The following HOOK3 variants were observed in gnomAD, a reference collection of about 807,000 sequenced individuals.
HOOK3 encodes the protein protein Hook homolog 3.
In HOOK3, 24 loss-of-function variants were observed where a neutral mutation model predicts 116.3. The observed-to-expected ratio is 0.21, with a 90% CI of 0.15 to 0.29. The LOEUF is 0.29. Ranked by LOEUF, HOOK3 falls within the 10% of genes least tolerant of loss-of-function variation. The probability of loss-of-function intolerance (pLI) is 1.00; values close to 1 mark genes in which losing one functional copy is unlikely to be tolerated. For missense variants in HOOK3, 632 were observed against 830.2 expected, an observed-to-expected ratio of 0.76 and a Z score of 2.93; for synonymous variants, 275 against 283.0, an observed-to-expected ratio of 0.97 and a Z score of 0.28.
rs1190011911 is a variant in HOOK3, at chr8:43,029,090, T to C, written c.*10592T>C. On this transcript the variant is annotated 3_prime_UTR_variant, in exon 22 of 22. Coordinates refer to ENST00000307602, the MANE Select transcript of HOOK3 (RefSeq NM_032410.4). Reference sequence around the variant, plus strand: ...TTTTACTCTAAATACAAGAAATGACTGTACACAAATGCTAATCAGTGATTT... The same window carrying C: ...TTTTACTCTAAATACAAGAAATGACCGTACACAAATGCTAATCAGTGATTT... 2 of 183,162 alleles carry C rather than the reference T, an allele frequency of 1.1e-5. No individual in the cohort carries two copies. Among genetic ancestry groups the C allele is most frequent in the Non-Finnish European group, 2.3e-5 (2 of 86,124 alleles). The allele number at this position is 183,162 out of a possible 1,614,324, so 11.3% of individuals were successfully genotyped here. A position where few individuals can be genotyped will look rare whatever the true frequency, so the allele number is the denominator to read the frequency against.
rs530603915 is a variant in HOOK3 at position 42,958,711 on chromosome 8, A to C, written c.532-520A>C. ...TGCTGTACCTATCAACCCATCATCT[A>C]GGTTTTAAGGCCAACACTCATTAGG... is the stretch of plus-strand genomic sequence containing the variant. On this transcript the variant is annotated intron_variant, in intron 7 of 21. Transcript: ENST00000307602. Among the ~76,000 whole-genome samples, 19 of 149,604 alleles carry C rather than the reference A, an allele frequency of 1.3e-4. No homozygotes were observed. In the South Asian group the frequency reaches 2.3e-3, roughly 18 times the overall value.
Position 42,996,061 on chromosome 8 carries a change from A to G in HOOK3, c.1533-1489A>G, listed in dbSNP as rs927968663. The stretch of plus-strand genomic sequence containing the variant: ...CTTGGGAGGTAAGCTGGTCTCCTGA[A>G]TGTTGCATCATGACCTAGAGAATTT... On this transcript the variant is annotated intron_variant, in intron 15 of 21. Coordinates refer to ENST00000307602, the MANE Select transcript of HOOK3 (RefSeq NM_032410.4). Among the ~76,000 whole-genome samples, 4 of 152,198 alleles carry G rather than the reference A, an allele frequency of 2.6e-5. No individual in the cohort carries two copies. The South Asian group carries it at 6.2e-4, about 24-fold the overall frequency.
At chr8:42,964,244 C>A (rs1483076895) in intron 8 of HOOK3, 67 bp from the exon 9 acceptor site, 5 of 1,466,010 alleles carry the variant, frequency 3.4e-6, no homozygotes, top group Middle Eastern at 1.8e-4. Context: ...AATGGTAATT[C>A]ACAAGTGATT....
intron 13 of HOOK3, among the ~76,000 whole-genome samples, chr8:42,975,716 C>G (rs759230899): frequency 6.6e-6 from 1 of 152,102 alleles, no homozygotes; most frequent in African/African-American, 2.4e-5. Context: ...AAGATAGATA[C>G]ATATGTTGAG....
intron 11 of HOOK3, among the ~76,000 whole-genome samples, chr8:42,968,521 G>T (rs551054452): frequency 1.3e-5 from 2 of 152,044 alleles, no homozygotes; most frequent in African/African-American, 2.4e-5. Flanking sequence ...GTAAAGACAG[G>T]GTTTCACTGT....
At chr8:42,981,775 T>G (rs1808949924) in intron 13 of HOOK3, among the ~76,000 whole-genome samples, 2 of 148,758 alleles carry the variant, frequency 1.3e-5, no homozygotes, top group South Asian at 4.2e-4. Flanking sequence ...TCCCAGCTAC[T>G]CAGCAGGCTG....
At chr8:42,902,359 C>G (rs1430379706) in intron 1 of HOOK3, among the ~76,000 whole-genome samples, 1 of 151,780 alleles carries the variant, frequency 6.6e-6, no homozygotes, top group South Asian at 2.1e-4. Flanking sequence ...GCAGTCCCGA[C>G]CCCCCAGGCT....
chr8:42,905,578 G>A (rs1002744562), intron 1 of HOOK3, among the ~76,000 whole-genome samples: 5 of 152,110 alleles, frequency 3.3e-5, no homozygotes, highest in South Asian at 2.1e-4. Context: ...GGGGATGAAC[G>A]TGCCGTGATT....
At chr8:42,996,840 A>G (rs368577762) in intron 15 of HOOK3, among the ~76,000 whole-genome samples, 1 of 107,966 alleles carries the variant, frequency 9.3e-6, no homozygotes. Context: ...ATTGTATTTT[A>G]TTTGTTTACA....
chr8:43,011,547 A>G (rs1032891674), intron 19 of HOOK3, among the ~76,000 whole-genome samples: 5 of 151,976 alleles, frequency 3.3e-5, no homozygotes, highest in African/African-American at 1.2e-4. Flanking sequence ...TACCCTTTCA[A>G]GTTTTCTATG....
At chr8:42,957,826 CTTTTT>C (rs11383704) in intron 7 of HOOK3, among the ~76,000 whole-genome samples, 3 of 135,286 alleles carry the variant, frequency 2.2e-5, no homozygotes, top group South Asian at 2.4e-4. Context: ...ATATCTCTTC[CTTTTT>C]TTTTTTTTTT....
chr8:42,992,631 G>A (rs1048255264), intron 15 of HOOK3, among the ~76,000 whole-genome samples: 1 of 147,978 alleles, frequency 6.8e-6, no homozygotes, highest in African/African-American at 2.5e-5. Flanking sequence ...CAGGAGAATT[G>A]CTTGAATGCA....
At chr8:42,970,242 T>C (rs1420724883) in intron 11 of HOOK3, among the ~76,000 whole-genome samples, 1 of 152,222 alleles carries the variant, frequency 6.6e-6, no homozygotes, top group South Asian at 2.1e-4. Context: ...ATATCCATGT[T>C]GTATATGGGT....
chr8:42,921,797 GTGT>G (rs1807662319), intron 2 of HOOK3, among the ~76,000 whole-genome samples: 1 of 152,200 alleles, frequency 6.6e-6, no homozygotes. Flanking sequence ...GCCATTTTTA[GTGT>G]TGTTTATGGA....
chr8:42,912,784 G>A (rs1298570358), intron 2 of HOOK3, among the ~76,000 whole-genome samples: 1 of 152,134 alleles, frequency 6.6e-6, no homozygotes, highest in Non-Finnish European at 1.5e-5. Context: ...CGTCGTTAAC[G>A]TTAGTGTTCA....
rs780043790 is a variant in HOOK3, at chr8:42,986,895, G to A, written c.1532+100G>A. On this transcript the variant is annotated intron_variant, in intron 15 of 21. Transcript: ENST00000307602. Reference sequence around the variant, plus strand: ...GAACTGGCAGGGCATGGTGGCTCACGCCTGTAATCCCAGCACTTTGGGAGG... The same window carrying A: ...GAACTGGCAGGGCATGGTGGCTCACACCTGTAATCCCAGCACTTTGGGAGG... 8.9e-5 allele frequency: 114 copies of A among 1,276,806 alleles called. 2 individuals carry two copies. The highest frequency in any genetic ancestry group is 5.1e-4 in the South Asian group (39 of 76,784). 79.1% of individuals were successfully genotyped at this position (1,276,806 alleles called of 1,614,324 possible). A position where few individuals can be genotyped will look rare whatever the true frequency, so the allele number is the denominator to read the frequency against.
intron 5 of HOOK3, among the ~76,000 whole-genome samples, chr8:42,948,459 G>A (rs1402532967): frequency 1.3e-5 from 2 of 152,010 alleles, no homozygotes; most frequent in Non-Finnish European, 2.9e-5. Context: ...TACGGTGTTC[G>A]CGGGGAAGGG....
chr8:42,909,905 A>T (rs555631033), intron 2 of HOOK3, among the ~76,000 whole-genome samples: 27 of 152,332 alleles, frequency 1.8e-4, no homozygotes, highest in Non-Finnish European at 3.1e-4. Flanking sequence ...ATAGAAGCAG[A>T]GAGTAGAATG....
At chr8:42,952,395 G>A (rs1004546820) in intron 6 of HOOK3, among the ~76,000 whole-genome samples, 8 of 152,226 alleles carry the variant, frequency 5.3e-5, no homozygotes, top group African/African-American at 1.9e-4. Flanking sequence ...AATATGCAGA[G>A]TATTGCCAAC....
Sources: gnomAD v4.1 joint callset for allele counts (sites outside exome capture counted in the v4.1 genomes callset) on GRCh38, gnomAD v4.1.1 for gene constraint, MANE v1.5 for transcripts, NCBI Gene and HGNC (gene_info 2026-07-23, HGNC 2026-07-21) for gene names.